ANO10: variants seen among roughly 807,000 people sequenced by gnomAD.
ANO10 encodes the protein anoctamin 10, also known as anoctamin-10.
A neutral mutation model predicts 74.7 loss-of-function variants in ANO10; 77 were observed. That is an observed-to-expected ratio of 1.03 (90% confidence interval 0.86 to 1.25). The LOEUF (loss-of-function observed/expected upper bound fraction) is 1.25. Ranked by LOEUF, ANO10 falls within the 50% of genes most tolerant of loss-of-function variation. ANO10 has a pLI of 0.00. For missense variants in ANO10, 721 were observed against 778.1 expected (o/e 0.93, Z 0.87); for synonymous variants, 279 against 284.9 (o/e 0.98, Z 0.21).
chr3:43,589,296 A>T (rs1347512584), intron 4 of ANO10, among the ~76,000 whole-genome samples: 1 of 146,244 alleles, frequency 6.8e-6, no homozygotes, highest in Non-Finnish European at 1.5e-5. Flanking sequence ...TTCTTAATAA[A>T]GTAGAAGAAA....
intron 1 of ANO10, among the ~76,000 whole-genome samples, chr3:43,679,010 T>C (rs919337310): frequency 7.2e-5 from 11 of 152,070 alleles, no homozygotes; most frequent in African/African-American, 2.7e-4. Context: ...GCTCCCAGCA[T>C]GAGTGACGCA....
intron 3 of ANO10, 151 bp downstream of exon 3, chr3:43,600,233 G>A (rs927368676): frequency 3.4e-5 from 27 of 803,302 alleles, no homozygotes; most frequent in African/African-American, 2.6e-4. Flanking sequence ...GCAGTGTTGA[G>A]TAATTGCAGC....
intron 12 of ANO10, among the ~76,000 whole-genome samples, chr3:43,373,789 A>G (rs1224186697): frequency 6.6e-6 from 1 of 152,160 alleles, no homozygotes; most frequent in Non-Finnish European, 1.5e-5. Flanking sequence ...GAATCCTCAC[A>G]TACCAACCAA....
intron 9 of ANO10, among the ~76,000 whole-genome samples, chr3:43,560,279 G>A (rs1236942555): frequency 1.3e-5 from 2 of 152,168 alleles, no homozygotes; most frequent in African/African-American, 2.4e-5. Flanking sequence ...CAAACACCTG[G>A]TTCTGGATGA....
intron 12 of ANO10, among the ~76,000 whole-genome samples, chr3:43,413,721 GATC>G (rs1380973527): frequency 6.7e-6 from 1 of 150,002 alleles, no homozygotes; most frequent in African/African-American, 2.5e-5. Context: ...GTTAGTTTAT[GATC>G]ATCAACAGCG....
At chr3:43,382,276 T>C (rs1575613413) in intron 12 of ANO10, among the ~76,000 whole-genome samples, 1 of 151,752 alleles carries the variant, frequency 6.6e-6, no homozygotes. Flanking sequence ...TCCCAGCACT[T>C]TGGGAGGCCG....
In ANO10 at chr3:43,577,007, C is replaced by T; in HGVS notation, c.847G>A (p.Glu283Lys). Reference protein sequence around the residue: ...GTLLMKRKFEEPRPGFHGVLG... With the variant: ...GTLLMKRKFEKPRPGFHGVLG... ...ACACCATGAAATCCTGGCCGGGGCT[C>T]CTCAAACTTTCTCTTCATGAGCAGT... Residue 283 changes from glutamate to lysine, a missense_variant, in exon 6 of 13, where the codon GAG (glutamate) becomes AAG (lysine). Glu to Lys is a moderately conservative substitution (Grantham distance 56, BLOSUM62 1). Transcript: ENST00000292246. The T allele has an allele frequency of 1.2e-6, 2 of 1,613,844 alleles. No individual in the cohort carries two copies. Among genetic ancestry groups the T allele is most frequent in the Non-Finnish European group, 1.7e-6 (2 of 1,179,740 alleles).
At chr3:43,393,053 T>A (rs2092308320) in intron 12 of ANO10, among the ~76,000 whole-genome samples, 1 of 152,258 alleles carries the variant, frequency 6.6e-6, no homozygotes, top group South Asian at 2.1e-4. Flanking sequence ...TGAGGCTCTA[T>A]GTGCTCTCCC....
chr3:43,418,641 T>C (rs1176982607), intron 12 of ANO10, among the ~76,000 whole-genome samples: 1 of 152,222 alleles, frequency 6.6e-6, no homozygotes, highest in East Asian at 1.9e-4. Flanking sequence ...TGGTTATCTA[T>C]TACTGCGTAA....
chr3:43,474,220 C>T (rs368302795), intron 11 of ANO10, among the ~76,000 whole-genome samples: 1 of 152,070 alleles, frequency 6.6e-6, no homozygotes, highest in Non-Finnish European at 1.5e-5. Flanking sequence ...CCCCGCCCCC[C>T]CCAACCCCAA....
At chr3:43,689,900 T>C (rs1055893548) in intron 1 of ANO10, among the ~76,000 whole-genome samples, 6 of 152,162 alleles carry the variant, frequency 3.9e-5, no homozygotes, top group Non-Finnish European at 7.3e-5. Flanking sequence ...AGTGAGCCCA[T>C]AGTAGACACA....
intron 11 of ANO10, among the ~76,000 whole-genome samples, chr3:43,435,013 T>C (rs570185840): frequency 1.3e-4 from 20 of 152,354 alleles, no homozygotes; most frequent in African/African-American, 4.3e-4. Flanking sequence ...TACTCTTTAA[T>C]GGACATGAAT....
At chr3:43,465,156 A>G (rs760834573) in intron 11 of ANO10, among the ~76,000 whole-genome samples, 4 of 152,206 alleles carry the variant, frequency 2.6e-5, no homozygotes, top group Admixed American at 6.6e-5. Context: ...AATTTTTCAA[A>G]GTTTCAGGAT....
In ANO10 at chr3:43,564,159, G is replaced by T. The variant is rs141004623; in HGVS notation, c.1293+1494C>A. On this transcript the variant is annotated intron_variant, in intron 8 of 12. Transcript: ENST00000292246. Reference sequence around the variant, plus strand: ...ACAATCCTCCCACCTCAGTCTCCCAGGTAGCTGAGACTACAGGCAAGTGCT... The same window carrying T: ...ACAATCCTCCCACCTCAGTCTCCCATGTAGCTGAGACTACAGGCAAGTGCT... Among the ~76,000 whole-genome samples, 179 of 151,884 alleles carry T rather than the reference G, an allele frequency of 1.2e-3. 3 individuals carry two copies. In the East Asian group the frequency reaches 0.03, roughly 25 times the overall value.
intron 1 of ANO10, among the ~76,000 whole-genome samples, chr3:43,653,927 G>GTT (rs5848668): frequency 0.03 from 4,377 of 145,012 alleles, 97 homozygotes; most frequent in Non-Finnish European, 0.041. Flanking sequence ...GTTTGCTGGG[G>GTT]TTTTTTTTTT....
intron 11 of ANO10, among the ~76,000 whole-genome samples, chr3:43,508,142 A>G (rs2077366132): frequency 6.6e-6 from 1 of 152,178 alleles, no homozygotes; most frequent in Non-Finnish European, 1.5e-5. Flanking sequence ...CTCTAATTCT[A>G]TTGAAGGTAC....
intron 11 of ANO10, among the ~76,000 whole-genome samples, chr3:43,492,277 A>G (rs1231312121): frequency 6.6e-6 from 1 of 152,226 alleles, no homozygotes; most frequent in African/African-American, 2.4e-5. Flanking sequence ...TACACCTTAT[A>G]CAAAAATCAA....
At chr3:43,374,416 GA>G (rs1435931638) in intron 12 of ANO10, among the ~76,000 whole-genome samples, 5 of 152,088 alleles carry the variant, frequency 3.3e-5, no homozygotes, top group African/African-American at 9.7e-5. Context: ...TGATTTTAAA[GA>G]AAAAACAGAG....
intron 11 of ANO10, among the ~76,000 whole-genome samples, chr3:43,498,825 A>G (rs2077001672): frequency 6.6e-6 from 1 of 152,250 alleles, no homozygotes; most frequent in African/African-American, 2.4e-5. Flanking sequence ...TCAGAAAAAT[A>G]AGATATAACA....
Sources: gnomAD v4.1 joint callset for allele counts (sites outside exome capture counted in the v4.1 genomes callset) on GRCh38, gnomAD v4.1.1 for gene constraint, MANE v1.5 for transcripts, NCBI Gene and HGNC (gene_info 2026-07-23, HGNC 2026-07-21) for gene names.